The following COL4A1 variants were observed in gnomAD, a reference collection of about 807,000 sequenced individuals.
The protein encoded by COL4A1 is collagen type IV alpha 1 chain, also known as collagen alpha-1(IV) chain.
In COL4A1, 40 loss-of-function variants were observed where a neutral mutation model predicts 216.6. The observed-to-expected ratio is 0.18, with a 90% CI of 0.14 to 0.24. The LOEUF is 0.24. Ranked by LOEUF, COL4A1 falls within the 10% of genes least tolerant of loss-of-function variation. The pLI is 1.00. For synonymous variants in COL4A1, 839 were observed against 810.7 expected, an observed-to-expected ratio of 1.03 and a Z score of -0.59; for missense variants, 1,628 against 2,196.8, an observed-to-expected ratio of 0.74 and a Z score of 5.18.
At chr13:110,280,178 T>A (rs369774599) in intron 1 of COL4A1, among the ~76,000 whole-genome samples, 9 of 152,228 alleles carry the variant, frequency 5.9e-5, no homozygotes, top group Admixed American at 2.6e-4. Flanking sequence ...TTAAAATAAC[T>A]AAAATACTGC....
chr13:110,185,152 T>G (rs1186083986), intron 26 of COL4A1, among the ~76,000 whole-genome samples: 1 of 152,132 alleles, frequency 6.6e-6, no homozygotes, highest in Non-Finnish European at 1.5e-5. Flanking sequence ...ATTTATTTAT[T>G]TATTTATTTT....
intron 1 of COL4A1, among the ~76,000 whole-genome samples, chr13:110,252,507 GTATTATA>G (rs1441114319): frequency 2.2e-4 from 1 of 4,506 alleles, no homozygotes. Context: ...ACGTATATAT[GTATTATA>G]TATACGTATA....
intron 2 of COL4A1, among the ~76,000 whole-genome samples, chr13:110,232,379 C>T (rs1365978834): frequency 1.3e-5 from 2 of 152,164 alleles, no homozygotes; most frequent in East Asian, 1.9e-4. Flanking sequence ...CATTTTTGAG[C>T]GTGCAGTTCT....
chr13:110,253,365 A>G (rs60586895), intron 1 of COL4A1, among the ~76,000 whole-genome samples: 1 of 18,310 alleles, frequency 5.5e-5, no homozygotes, highest in Non-Finnish European at 1.0e-4. Flanking sequence ...TATGTATTAC[A>G]TATACATATA....
At chr13:110,298,301 A>AT (rs1884356306) in intron 1 of COL4A1, among the ~76,000 whole-genome samples, 1 of 152,252 alleles carries the variant, frequency 6.6e-6, no homozygotes, top group South Asian at 2.1e-4. Context: ...TGGCGCTAGC[A>AT]TAATGTTTAC....
In COL4A1 at chr13:110,187,166, G is replaced by A. The variant is rs765386262; in HGVS notation, c.1700C>T (p.Pro567Leu). 1.9e-6 allele frequency: 3 copies of A among 1,614,004 alleles called. No homozygotes were observed. The highest frequency in any genetic ancestry group is 2.2e-5 in the South Asian group (2 of 91,074). Residue 567 changes from proline (P) to leucine (L), a missense_variant, in exon 25 of 52, where the codon CCG becomes CTG. Pro to Leu is a moderately conservative substitution (Grantham distance 98, BLOSUM62 -3). Transcript: ENST00000375820. ...CGAGCCCTTGGGGCCAGGAAGACCC[G>A]GATGGCCATCTCTTCCAGGAGAACC... ...RAGSPGRDGH[P>L]GLPGPKGSPG...
chr13:110,195,905 C>T (rs991423183), intron 21 of COL4A1, among the ~76,000 whole-genome samples: 1 of 152,192 alleles, frequency 6.6e-6, no homozygotes, highest in African/African-American at 2.4e-5. Context: ...CACCTAATGA[C>T]AAAGTCATGG....
intron 1 of COL4A1, among the ~76,000 whole-genome samples, chr13:110,258,960 T>C (rs896657125): frequency 3.9e-5 from 6 of 152,250 alleles, no homozygotes; most frequent in Non-Finnish European, 8.8e-5. Flanking sequence ...AATATTTATT[T>C]AACCTGAGGA....
intron 1 of COL4A1, among the ~76,000 whole-genome samples, chr13:110,281,140 T>G (rs1031466594): frequency 2.6e-5 from 4 of 152,302 alleles, no homozygotes; most frequent in Non-Finnish European, 5.9e-5. Flanking sequence ...CTGGCTTGTG[T>G]AAGCCACAAA....
chr13:110,305,895 A>G (rs1046365626), intron 1 of COL4A1: 55 of 152,252 alleles, frequency 3.6e-4, no homozygotes, highest in African/African-American at 1.3e-3. Flanking sequence ...TAAAGAGGAA[A>G]ACAAAGAACA....
chr13:110,273,681 G>T (rs1883329621), intron 1 of COL4A1, among the ~76,000 whole-genome samples: 1 of 152,214 alleles, frequency 6.6e-6, no homozygotes, highest in Non-Finnish European at 1.5e-5. Context: ...ATAGGCACCA[G>T]GGAATGGGTA....
intron 1 of COL4A1, among the ~76,000 whole-genome samples, chr13:110,245,051 G>A (rs1400630354): frequency 3.3e-5 from 5 of 152,144 alleles, no homozygotes; most frequent in South Asian, 2.1e-4. Flanking sequence ...CAGTGGCACC[G>A]CGCACCTCAA....
intron 2 of COL4A1, among the ~76,000 whole-genome samples, chr13:110,230,042 C>G (rs1836449193): frequency 2.0e-5 from 3 of 152,112 alleles, no homozygotes; most frequent in Admixed American, 2.0e-4. Flanking sequence ...GGGCAGCACC[C>G]TCCAAAATCC....
intron 18 of COL4A1, 138 bp from the exon 19 acceptor site, chr13:110,201,660 C>T (rs764061154): frequency 1.2e-5 from 10 of 845,184 alleles, no homozygotes; most frequent in South Asian, 5.3e-5. Flanking sequence ...GCAATGGTAG[C>T]GGACAAGGAG....
intron 28 of COL4A1, 26 bp from the exon 29 acceptor site, chr13:110,181,415 A>C: frequency 5.7e-6 from 9 of 1,566,354 alleles, no homozygotes; most frequent in African/African-American, 1.4e-5. Flanking sequence ...AAAAAAAAAA[A>C]ACAAACAAAC....
chr13:110,233,633 T>A (rs913745), intron 2 of COL4A1, among the ~76,000 whole-genome samples: 117,931 of 152,142 alleles, frequency 0.78, 46,428 homozygotes, highest in East Asian at 0.99. Context: ...TTTGGAAAAG[T>A]TGGGGAGTTG....
At chr13:110,182,522 A>G (rs1348222381) in intron 28 of COL4A1, among the ~76,000 whole-genome samples, 1 of 152,140 alleles carries the variant, frequency 6.6e-6, no homozygotes, top group African/African-American at 2.4e-5. Context: ...AGCAGGGGGA[A>G]AAGAAATTCC....
intron 51 of COL4A1, among the ~76,000 whole-genome samples, chr13:110,151,770 G>T (rs1451975853): frequency 6.6e-6 from 1 of 152,192 alleles, no homozygotes; most frequent in East Asian, 1.9e-4. Context: ...CCGGCTCCCA[G>T]TCAACTCCAG....
chr13:110,179,469 T>C (rs1878052229), intron 29 of COL4A1, 48 bp from the exon 30 acceptor site: 1 of 1,613,524 alleles, frequency 6.2e-7, no homozygotes, highest in Admixed American at 1.7e-5. Flanking sequence ...GCAAAGTCAG[T>C]ATTTTTATCA....
Sources: gnomAD v4.1 joint callset for allele counts (sites outside exome capture counted in the v4.1 genomes callset) on GRCh38, gnomAD v4.1.1 for gene constraint, MANE v1.5 for transcripts, NCBI Gene and HGNC (gene_info 2026-07-23, HGNC 2026-07-21) for gene names.